ITGA3: variants seen among roughly 807,000 people sequenced by gnomAD.
The protein encoded by ITGA3 is integrin subunit alpha 3, also known as integrin alpha-3.
ITGA3 carries 70 observed loss-of-function variants against 131.1 expected under a neutral mutation model. The observed-to-expected ratio is 0.53, with a 90% confidence interval of 0.44 to 0.65. The LOEUF (loss-of-function observed/expected upper bound fraction) is 0.65. Among genes scored for constraint, ITGA3 ranks in the 30% least tolerant of loss-of-function variants. ITGA3 has a pLI of 0.00. For missense variants in ITGA3, 1,098 were observed against 1,388.6 expected, an observed-to-expected ratio of 0.79 and a Z score of 3.33; for synonymous variants, 537 against 571.6, an observed-to-expected ratio of 0.94 and a Z score of 0.86.
chr17:50,082,938 TAGA>T (rs1386010255), intron 23 of ITGA3, among the ~76,000 whole-genome samples: 1 of 152,200 alleles, frequency 6.6e-6, no homozygotes, highest in Non-Finnish European at 1.5e-5. Flanking sequence ...GAGTTGCATC[TAGA>T]AGAATAAATA....
chr17:50,071,688 T>C (rs982360346), intron 6 of ITGA3, 170 bp downstream of exon 6: 1 of 656,422 alleles, frequency 1.5e-6, no homozygotes. Context: ...CACATGGCAT[T>C]TGTGGGACCC....
At chr17:50,069,949 GC>G (rs1908546855) in intron 4 of ITGA3, among the ~76,000 whole-genome samples, 1 of 152,140 alleles carries the variant, frequency 6.6e-6, no homozygotes, top group Admixed American at 6.5e-5. Context: ...AGGCAGAGGA[GC>G]CTTGAATCTC....
chr17:50,062,287 G>C (rs1487637759), intron 1 of ITGA3, among the ~76,000 whole-genome samples: 2 of 152,194 alleles, frequency 1.3e-5, no homozygotes, highest in Non-Finnish European at 2.9e-5. Flanking sequence ...AGAAGGAAAG[G>C]AAATTGCCCC....
chr17:50,067,969 C>T, intron 3 of ITGA3, 87 bp from the exon 4 acceptor site: 1 of 1,548,380 alleles, frequency 6.5e-7, no homozygotes, highest in Non-Finnish European at 8.8e-7. Context: ...TCCTGTTTGG[C>T]AAAGCCAGAG....
Position 50,087,713 on chromosome 17 carries a change from A to G in ITGA3, c.2920-31A>G, listed in dbSNP as rs562984636. On this transcript the variant is annotated intron_variant, in intron 23 of 25. Transcript: ENST00000320031. ...TGAGGATGGGCCTAAGCAGGCTGAC[A>G]CAGGGCTGAGTCCTCCTCTCCCCGC... The G allele has an allele frequency of 3.1e-6, 5 of 1,599,364 alleles. No homozygotes were observed. In the East Asian group the frequency reaches 9.0e-5, roughly 29 times the overall value.
At chr17:50,074,379 C>T in intron 9 of ITGA3, 69 bp from the exon 10 acceptor site, 11 of 1,598,018 alleles carry the variant, frequency 6.9e-6, no homozygotes. Context: ...CCTTGGAAGC[C>T]TGGGCCCCAA....
chr17:50,067,033 G>A (rs1460095708), intron 3 of ITGA3, among the ~76,000 whole-genome samples: 1 of 152,112 alleles, frequency 6.6e-6, no homozygotes, highest in East Asian at 1.9e-4. Flanking sequence ...ACCCTGTTAT[G>A]GATGGCTGTG....
intron 18 of ITGA3, 86 bp from the exon 19 acceptor site, chr17:50,078,738 T>C (rs909587110): frequency 1.6e-5 from 12 of 758,136 alleles, no homozygotes; most frequent in Admixed American, 8.3e-5. Context: ...AGAGGGGCTA[T>C]AGTTAGCCAG....
rs1427529114 is a variant in ITGA3, at chr17:50,056,862, C to T, written c.206+217C>T. Among the ~76,000 whole-genome samples the T allele has an allele frequency of 6.6e-6, 1 of 152,076 alleles. No individual in the cohort carries two copies. Among genetic ancestry groups the T allele is most frequent in the African/African-American group, 2.4e-5 (1 of 41,392 alleles). On this transcript the variant is annotated intron_variant, in intron 1 of 25. Transcript: ENST00000320031. This position sits in a 1 kb window ranked among gnomAD's most constrained non-coding sequence, Gnocchi z 5.6. ...CTGACGGGGCCAGAACCTGTCTGGA[C>T]GCCACCCCTCCGCCCTTTAGATCTC...
Position 50,064,314 on chromosome 17 carries a change from G to C in ITGA3, c.334+110G>C. Reference sequence around the variant, plus strand: ...AGGCTTGTTCACACGGCTTCTAGTCGCTTCTTGTCCAGCTGGGAAGAGGGT... The same window carrying C: ...AGGCTTGTTCACACGGCTTCTAGTCCCTTCTTGTCCAGCTGGGAAGAGGGT... On this transcript the variant is annotated intron_variant, in intron 2 of 25. Coordinates refer to ENST00000320031, the MANE Select transcript of ITGA3 (RefSeq NM_002204.4). The surrounding 1 kb of genome is among the most constrained non-coding windows in gnomAD (Gnocchi z 4.4). 7.1e-7 allele frequency: 1 copy of C among 1,408,292 alleles called. No individual in the cohort carries two copies. Among genetic ancestry groups the C allele is most frequent in the South Asian group, 1.3e-5 (1 of 77,670 alleles). The allele number at this position is 1,408,292 out of a possible 1,614,324, so 87.2% of individuals were successfully genotyped here. A position where few individuals can be genotyped will look rare whatever the true frequency, so the allele number is the denominator to read the frequency against.
Position 50,070,240 on chromosome 17 carries a change from T to G in ITGA3, c.665-604T>G, listed in dbSNP as rs146707725. On this transcript the variant is annotated intron_variant, in intron 4 of 25. Coordinates refer to ENST00000320031, the MANE Select transcript of ITGA3 (RefSeq NM_002204.4). Reference sequence around the variant, plus strand: ...TCTAATATCCAGGAGCCTGAGTGATTAAGTTCTAGCCATGGCTCTACAACC... The same window carrying G: ...TCTAATATCCAGGAGCCTGAGTGATGAAGTTCTAGCCATGGCTCTACAACC... Among the ~76,000 whole-genome samples, 63 of 152,302 alleles carry G rather than the reference T, an allele frequency of 4.1e-4. 1 individual carries two copies. The highest frequency in any genetic ancestry group is 1.4e-3 in the African/African-American group (58 of 41,558).
In ITGA3 at chr17:50,075,833, A is replaced by C. The variant is rs1310057443; in HGVS notation, c.1674+98A>C. 3 of 1,300,500 alleles carry C rather than the reference A, an allele frequency of 2.3e-6. No homozygotes were observed. In the East Asian group the frequency reaches 7.1e-5, roughly 31 times the overall value. The allele number at this position is 1,300,500 out of a possible 1,614,324, so 80.6% of individuals were successfully genotyped here. A position where few individuals can be genotyped will look rare whatever the true frequency, so the allele number is the denominator to read the frequency against. ...AAGGGTGAGGGACGGGGGTCTCCCC[A>C]GAGACAGAGGTTGGGGACATCGGTT... On this transcript the variant is annotated intron_variant, in intron 12 of 25. Transcript: ENST00000320031.
At position 50,074,268 on chromosome 17, in the gene ITGA3, T is replaced by A. The variant is rs963624366; in HGVS notation, c.1370T>A (p.Ile457Asn). 1.9e-6 allele frequency: 3 copies of A among 1,614,034 alleles called. No homozygotes were observed. The African/African-American group carries it at 4.0e-5, about 22-fold the overall frequency. ...CTAGTGGGAAGCCTGTCAGACCACATTGTGCTGCTGCGGTGAGCCAGGAGG... is the reference window on the plus strand; with the variant it reads ...CTAGTGGGAAGCCTGTCAGACCACAATGTGCTGCTGCGGTGAGCCAGGAGG... ...DLLVGSLSDHIVLLRARPVIN... is the reference protein window; with the variant it reads ...DLLVGSLSDHNVLLRARPVIN... The change falls in exon 9 of 26, where the codon ATT (isoleucine) becomes AAT (asparagine). Residue 457 changes from isoleucine (I) to asparagine (N), a missense_variant. Transcript: ENST00000320031.
chr17:50,062,124 C>T (rs1042810914), intron 1 of ITGA3, among the ~76,000 whole-genome samples: 1 of 152,052 alleles, frequency 6.6e-6, no homozygotes, highest in African/African-American at 2.4e-5. Context: ...AGTCCTGATG[C>T]CACAACAAAT....
Position 50,081,108 on chromosome 17 carries a change from G to A in ITGA3, c.2821-202G>A, listed in dbSNP as rs75495503. 2,757 of 557,090 alleles carry A rather than the reference G, an allele frequency of 4.9e-3. 89 individuals are homozygous for A. The highest frequency in any genetic ancestry group is 0.047 in the African/African-American group (2,509 of 53,114). The allele number at this position is 557,090 out of a possible 1,614,324, so 34.5% of individuals were successfully genotyped here. A position where few individuals can be genotyped will look rare whatever the true frequency, so the allele number is the denominator to read the frequency against. ...TCGGTTGTCCCCAGCATCCAGCACA[G>A]GACCTGACGCAGAAATGAATGAACA... On this transcript the variant is annotated intron_variant, in intron 22 of 25. Transcript: ENST00000320031.
intron 6 of ITGA3, chr17:50,071,728 G>T (rs1190618228): frequency 4.8e-6 from 3 of 619,730 alleles, no homozygotes; most frequent in Non-Finnish European, 5.6e-6. Flanking sequence ...CTTGGGATTT[G>T]TATGCTCCAG....
chr17:50,064,889 C>T lies in ITGA3; in HGVS notation c.414+282C>T, dbSNP rs183028112. The T allele has an allele frequency of 2.9e-4, 92 of 315,064 alleles. 1 individual carries two copies. In the East Asian group the frequency reaches 4.9e-3, roughly 17 times the overall value. 19.5% of individuals were successfully genotyped at this position (315,064 alleles called of 1,614,324 possible). A position where few individuals can be genotyped will look rare whatever the true frequency, so the allele number is the denominator to read the frequency against. On this transcript the variant is annotated intron_variant, in intron 3 of 25. Coordinates refer to ENST00000320031, the MANE Select transcript of ITGA3 (RefSeq NM_002204.4). The surrounding 1 kb of genome is among the most constrained non-coding windows in gnomAD (Gnocchi z 4.4). ...GTGCTCAGCCTTCGTGGGAACAAGC[C>T]GAGGGAGCCGAGGGAACTGCAAGGA...
intron 23 of ITGA3, chr17:50,086,357 TC>T (rs1217394829): frequency 6.7e-6 from 1 of 148,572 alleles, no homozygotes; most frequent in Admixed American, 6.9e-5. Context: ...AAAAAAATCA[TC>T]AAAATAATTT....
intron 18 of ITGA3, 51 bp downstream of exon 18, chr17:50,078,335 G>C (rs376535007): frequency 3.5e-4 from 526 of 1,509,572 alleles, no homozygotes; most frequent in Non-Finnish European, 4.2e-4. Context: ...GCCTAAGCTA[G>C]GGTTCCCTAT....
Sources: gnomAD v4.1 joint callset for allele counts (sites outside exome capture counted in the v4.1 genomes callset) on GRCh38, gnomAD v4.1.1 for gene constraint, Gnocchi (gnomAD v3.1) non-coding constraint, MANE v1.5 for transcripts, NCBI Gene and HGNC (gene_info 2026-07-23, HGNC 2026-07-21) for gene names.